Variants in WDR76 observed in about 807,000 individuals in gnomAD.
WDR76 encodes WD repeat-containing protein 76.
Under a neutral mutation model 70.2 loss-of-function variants are expected in WDR76, and 52 were observed. The observed-to-expected ratio is 0.74, with a 90% CI of 0.59 to 0.93. The LOEUF (loss-of-function observed/expected upper bound fraction) is 0.93, where lower values mean the gene tolerates loss of function less well. WDR76 is among the 40% of genes least tolerant of loss of function. The pLI, the probability that WDR76 is intolerant of heterozygous loss-of-function variation, is 0.00. For synonymous variants in WDR76, 292 were observed against 271.1 expected, an observed-to-expected ratio of 1.08 and a Z score of -0.76; for missense variants, 756 against 760.2, an observed-to-expected ratio of 0.99 and a Z score of 0.07.
rs375004478 is a variant in WDR76, at chr15:43,856,947, T to C, written c.1193T>C (p.Val398Ala). 3 of 1,612,880 alleles carry C rather than the reference T, an allele frequency of 1.9e-6. No homozygotes were observed. Among genetic ancestry groups the C allele is most frequent in the Non-Finnish European group, 2.5e-6 (3 of 1,179,248 alleles). Residue 398 changes from valine (V) to alanine (A), a missense_variant and splice_region_variant, in exon 10 of 13, where the codon GTG becomes GCG. Transcript: ENST00000263795. ...GCTGATTGTTACTTATATTCTTAGG[T>C]GTATAGAAATGAAAGAAGTAGCTTT... ...GDFSRAIFEE[V>A]YRNERSSFSS... is the part of the protein sequence containing the mutation.
chr15:43,849,943 T>C (rs917188415), intron 8 of WDR76, among the ~76,000 whole-genome samples: 1 of 152,210 alleles, frequency 6.6e-6, no homozygotes, highest in African/African-American at 2.4e-5. Flanking sequence ...TAAACAAATA[T>C]GTCAGTAGTT....
At chr15:43,836,900 G>C (rs562368374) in intron 4 of WDR76, among the ~76,000 whole-genome samples, 1 of 151,768 alleles carries the variant, frequency 6.6e-6, no homozygotes, top group South Asian at 2.1e-4. Flanking sequence ...AATTAGCCGG[G>C]TGTGGTGGCA....
At position 43,857,067 on chromosome 15, in the gene WDR76, C is replaced by G; in HGVS notation, c.1313C>G (p.Thr438Ser). Reference protein sequence around the residue: ...MSLVDRRTPGTSYEKLTSSSM... With the variant: ...MSLVDRRTPGSSYEKLTSSSM... Reference sequence around the variant, plus strand: ...CTGGTGGATAGACGGACACCTGGAACTTCTTATGAGAAACTTACCAGTTCT... The same window carrying G: ...CTGGTGGATAGACGGACACCTGGAAGTTCTTATGAGAAACTTACCAGTTCT... Residue 438 changes from threonine (T) to serine (S), a missense_variant, in exon 10 of 13, where the codon ACT (threonine) becomes AGT (serine). Transcript: ENST00000263795. 6.2e-7 allele frequency: 1 copy of G among 1,614,100 alleles called. No individual in the cohort carries two copies. Among genetic ancestry groups the G allele is most frequent in the Non-Finnish European group, 8.5e-7 (1 of 1,180,004 alleles).
chr15:43,827,920 G>T (rs1001808819), intron 1 of WDR76, 45 bp from the exon 2 acceptor site: 3 of 1,519,470 alleles, frequency 2.0e-6, no homozygotes, highest in Non-Finnish European at 2.6e-6. Context: ...AAAGGCACAG[G>T]ACTTGGAGTT....
At chr15:43,853,569 A>G (rs1251500076) in intron 9 of WDR76, among the ~76,000 whole-genome samples, 1 of 152,172 alleles carries the variant, frequency 6.6e-6, no homozygotes, top group African/African-American at 2.4e-5. Context: ...AGCTAACCCA[A>G]TTAAAAAATG....
intron 10 of WDR76, among the ~76,000 whole-genome samples, chr15:43,858,324 G>A (rs1965795): frequency 0.19 from 25,142 of 133,014 alleles, 2,891 homozygotes; most frequent in African/African-American, 0.35. Flanking sequence ...GCGCGATCTC[G>A]GCTCACTGCA....
intron 12 of WDR76, 114 bp downstream of exon 12, chr15:43,861,500 AC>A: frequency 9.4e-7 from 1 of 1,068,184 alleles, no homozygotes; most frequent in Non-Finnish European, 1.4e-6. Flanking sequence ...ATTTTTGAAT[AC>A]AAAAATTATA....
intron 12 of WDR76, among the ~76,000 whole-genome samples, chr15:43,863,562 A>G (rs1296868098): frequency 6.8e-6 from 1 of 146,624 alleles, no homozygotes; most frequent in African/African-American, 2.6e-5. Context: ...TCTTTTTTAA[A>G]AAAAAAAAAA....
At chr15:43,840,967 G>A (rs1350789628) in intron 5 of WDR76, among the ~76,000 whole-genome samples, 1 of 151,194 alleles carries the variant, frequency 6.6e-6, no homozygotes, top group Non-Finnish European at 1.5e-5. Flanking sequence ...ATATGCAACT[G>A]AAACCACAGT....
At chr15:43,859,762 GTT>G (rs2087973445) in intron 11 of WDR76, among the ~76,000 whole-genome samples, 1 of 152,314 alleles carries the variant, frequency 6.6e-6, no homozygotes, top group South Asian at 2.1e-4. Flanking sequence ...TTACACTGCA[GTT>G]TACTCTTGTT....
At chr15:43,834,331 G>A (rs908170130) in intron 2 of WDR76, among the ~76,000 whole-genome samples, 8 of 141,020 alleles carry the variant, frequency 5.7e-5, no homozygotes, top group African/African-American at 1.3e-4. Flanking sequence ...ACGGAGTTTC[G>A]CTCTTATTGT....
chr15:43,852,607 T>TA (rs1176444372), intron 9 of WDR76, among the ~76,000 whole-genome samples: 1 of 151,912 alleles, frequency 6.6e-6, no homozygotes, highest in Non-Finnish European at 1.5e-5. Context: ...CCTGACCTTG[T>TA]AATCCACCTG....
At chr15:43,845,176 C>T (rs2087773473) in intron 8 of WDR76, among the ~76,000 whole-genome samples, 1 of 148,838 alleles carries the variant, frequency 6.7e-6, no homozygotes, top group Admixed American at 6.7e-5. Flanking sequence ...GTCTTGATCT[C>T]CTGACCTCGT....
chr15:43,858,628 A>T, intron 10 of WDR76, 43 bp from the exon 11 acceptor site: 1 of 1,603,274 alleles, frequency 6.2e-7, no homozygotes, highest in Non-Finnish European at 8.5e-7. Flanking sequence ...GAGGTTCATT[A>T]CATGTACTAT....
chr15:43,836,541 GCTAT>G (rs1414740761), intron 4 of WDR76, among the ~76,000 whole-genome samples: 4 of 151,986 alleles, frequency 2.6e-5, no homozygotes, highest in African/African-American at 9.7e-5. Context: ...AATTTTTCTG[GCTAT>G]CTTTTTGCGT....
chr15:43,858,221 A>G (rs2087954065), intron 10 of WDR76, among the ~76,000 whole-genome samples: 1 of 149,452 alleles, frequency 6.7e-6, no homozygotes, highest in African/African-American at 2.5e-5. Flanking sequence ...GTGAGCCACC[A>G]TGCCTGGCCT....
At chr15:43,834,904 A>T (rs188301029) in intron 2 of WDR76, among the ~76,000 whole-genome samples, 157 bp from the exon 3 acceptor site, 3 of 152,348 alleles carry the variant, frequency 2.0e-5, no homozygotes, top group African/African-American at 7.2e-5. Flanking sequence ...GAAATATCCA[A>T]TTCAGCAAAC....
intron 2 of WDR76, among the ~76,000 whole-genome samples, chr15:43,829,010 G>C (rs145315437): frequency 6.6e-6 from 1 of 150,806 alleles, no homozygotes; most frequent in African/African-American, 2.4e-5. Flanking sequence ...TTAATAGATT[G>C]TCCTGCTTCA....
intron 3 of WDR76, among the ~76,000 whole-genome samples, chr15:43,835,680 C>T (rs1404004111): frequency 6.9e-5 from 10 of 144,146 alleles, no homozygotes; most frequent in Admixed American, 2.1e-4. Context: ...TTTTTTGAGA[C>T]GGAGTTTTGC....
Sources: allele counts gnomAD v4.1 joint callset (sites outside exome capture counted in the v4.1 genomes callset), GRCh38; gene constraint gnomAD v4.1.1; transcripts MANE v1.5; gene names NCBI Gene and HGNC (gene_info 2026-07-23, HGNC 2026-07-21).